Variants in COG3 observed in about 807,000 individuals in gnomAD.
COG3 encodes the protein conserved oligomeric Golgi complex subunit 3.
In COG3, 32 loss-of-function variants were observed where a neutral mutation model predicts 114.1. That is an observed-to-expected ratio of 0.28 (90% CI 0.21 to 0.38). The LOEUF is 0.38. Among genes scored for constraint, COG3 ranks in the 10% least tolerant of loss-of-function variants. COG3 has a pLI of 1.00. For synonymous variants in COG3, 352 were observed against 365.7 expected, an observed-to-expected ratio of 0.96 and a Z score of 0.43; for missense variants, 813 against 973.2, an observed-to-expected ratio of 0.84 and a Z score of 2.19.
intron 8 of COG3, among the ~76,000 whole-genome samples, chr13:45,487,001 T>C (rs949409786): frequency 6.6e-6 from 1 of 152,204 alleles, no homozygotes; most frequent in Admixed American, 6.5e-5. Flanking sequence ...TTAGGAAAAG[T>C]AGAGAACCAA....
intron 4 of COG3, among the ~76,000 whole-genome samples, chr13:45,480,923 C>T (rs1250355198): frequency 1.3e-5 from 2 of 152,184 alleles, no homozygotes; most frequent in Admixed American, 1.3e-4. Context: ...TTGAAAAGAT[C>T]AACTGATTGA....
At chr13:45,519,172 A>C in intron 19 of COG3, 78 bp downstream of exon 19, 1 of 1,494,702 alleles carries the variant, frequency 6.7e-7, no homozygotes. Flanking sequence ...TCTCTTGTGT[A>C]AACTCTGGCA....
At chr13:45,471,224 T>A (rs1172501257) in intron 1 of COG3, among the ~76,000 whole-genome samples, 1 of 149,664 alleles carries the variant, frequency 6.7e-6, no homozygotes, top group Non-Finnish European at 1.5e-5. Context: ...GGTAACATAG[T>A]GAGACCTCGT....
chr13:45,531,754 C>T (rs974520948), intron 22 of COG3, among the ~76,000 whole-genome samples: 1 of 152,092 alleles, frequency 6.6e-6, no homozygotes, highest in African/African-American at 2.4e-5. Context: ...GATCTGCCGG[C>T]CTCAGCTTCC....
chr13:45,472,328 G>A (rs1241554863), intron 1 of COG3, among the ~76,000 whole-genome samples: 1 of 151,980 alleles, frequency 6.6e-6, no homozygotes, highest in Non-Finnish European at 1.5e-5. Context: ...TATTCTGCTT[G>A]GGATTCTCTG....
chr13:45,526,586 G>A (rs1377260044), intron 20 of COG3, among the ~76,000 whole-genome samples: 1 of 152,172 alleles, frequency 6.6e-6, no homozygotes, highest in Admixed American at 6.5e-5. Flanking sequence ...TTGTTTGACT[G>A]CAAATAAACT....
rs190075601 is a variant in COG3 at position 45,520,662 on chromosome 13, A to G, written c.2154+1568A>G. Among the ~76,000 whole-genome samples, 160 of 152,300 alleles carry G rather than the reference A, an allele frequency of 1.1e-3. 1 individual carries two copies. The highest frequency in any genetic ancestry group is 4.6e-3 in the Admixed American group (71 of 15,290). ...TTATCACTGGCATATATTGCTTGTTAAGTGGATTTTATTCCGAGTATTTGC... is the reference window on the plus strand; with the variant it reads ...TTATCACTGGCATATATTGCTTGTTGAGTGGATTTTATTCCGAGTATTTGC... On this transcript the variant is annotated intron_variant, in intron 19 of 22. Transcript: ENST00000349995.
intron 5 of COG3, among the ~76,000 whole-genome samples, chr13:45,481,943 A>C (rs1412857239): frequency 6.6e-6 from 1 of 152,112 alleles, no homozygotes; most frequent in Non-Finnish European, 1.5e-5. Flanking sequence ...GAAATGATTG[A>C]CTGGTTGCAT....
intron 2 of COG3, among the ~76,000 whole-genome samples, chr13:45,478,136 A>G (rs1191201545): frequency 6.6e-6 from 1 of 151,704 alleles, no homozygotes; most frequent in Admixed American, 6.6e-5. Context: ...CCTTAATTTG[A>G]CTGTGAAAAT....
chr13:45,533,385 C>T (rs1873339561), intron 22 of COG3, among the ~76,000 whole-genome samples: 1 of 151,998 alleles, frequency 6.6e-6, no homozygotes, highest in Admixed American at 6.6e-5. Flanking sequence ...CCCATATATC[C>T]TTTACCCCAT....
At chr13:45,526,076 A>ATTTTTTT (rs386379016) in intron 20 of COG3, among the ~76,000 whole-genome samples, 1,617 of 56,608 alleles carry the variant, frequency 0.029, 317 homozygotes, top group Middle Eastern at 0.043. Context: ...CAAAATTTTA[A>ATTTTTTT]TTTTTTTTTT....
chr13:45,510,233 C>T (rs980976501), intron 15 of COG3, among the ~76,000 whole-genome samples: 4 of 152,162 alleles, frequency 2.6e-5, no homozygotes, highest in African/African-American at 7.2e-5. Flanking sequence ...TGTAGGACTG[C>T]ACAGTTGTTT....
intron 1 of COG3, 148 bp downstream of exon 1, chr13:45,465,358 C>T (rs1885070187): frequency 1.5e-6 from 2 of 1,308,462 alleles, no homozygotes; most frequent in Admixed American, 2.9e-5. Context: ...GGAGGGGCCT[C>T]ATCTCCCAGG....
intron 1 of COG3, among the ~76,000 whole-genome samples, chr13:45,469,386 A>G (rs1885336487): frequency 6.6e-6 from 1 of 152,210 alleles, no homozygotes; most frequent in South Asian, 2.1e-4. Flanking sequence ...TCCCTTTGAA[A>G]TGACAGTAAT....
At chr13:45,518,874 G>T (rs751749945) in intron 18 of COG3, 24 bp downstream of exon 18, 1 of 1,610,616 alleles carries the variant, frequency 6.2e-7, no homozygotes, top group Non-Finnish European at 8.5e-7. Context: ...TGTTTCATTG[G>T]TGGTGGGAGA....
In COG3 at chr13:45,534,832, C is replaced by T. The variant is rs1873450007; in HGVS notation, c.*101C>T. 2.9e-6 allele frequency: 4 copies of T among 1,370,372 alleles called. No homozygotes were observed. Among genetic ancestry groups the T allele is most frequent in the South Asian group, 3.7e-5 (2 of 54,476 alleles). The allele number at this position is 1,370,372 out of a possible 1,614,324, so 84.9% of individuals were successfully genotyped here. ...CCGAGGAATCGTATGTGGGAACGTC[C>T]CCGAGAACCACACGAGCGTGCTGCT... On this transcript the variant is annotated 3_prime_UTR_variant, in exon 23 of 23. Coordinates refer to ENST00000349995, the MANE Select transcript of COG3 (RefSeq NM_031431.4).
At chr13:45,514,748 C>T (rs865879506) in intron 16 of COG3, among the ~76,000 whole-genome samples, 1 of 151,846 alleles carries the variant, frequency 6.6e-6, no homozygotes, top group South Asian at 2.1e-4. Context: ...CCCAGGTTCA[C>T]GCCATTCTCC....
In COG3 at chr13:45,535,825, C is replaced by T; in HGVS notation, c.*1094C>T. On this transcript the variant is annotated 3_prime_UTR_variant, in exon 23 of 23. Transcript: ENST00000349995. Reference sequence around the variant, plus strand: ...CTATGAATTTTCCAACAAATTCCTACTTCCTGATTGGATTGGTTTTGCCGC... The same window carrying T: ...CTATGAATTTTCCAACAAATTCCTATTTCCTGATTGGATTGGTTTTGCCGC... 1 of 987,602 alleles carries T rather than the reference C, an allele frequency of 1.0e-6. No individual in the cohort carries two copies. Among genetic ancestry groups the T allele is most frequent in the Non-Finnish European group, 1.2e-6 (1 of 830,116 alleles). 61.2% of individuals were successfully genotyped at this position (987,602 alleles called of 1,614,324 possible).
chr13:45,497,088 A>G (rs1868886588), intron 13 of COG3, among the ~76,000 whole-genome samples: 1 of 152,230 alleles, frequency 6.6e-6, no homozygotes, highest in South Asian at 2.1e-4. Context: ...TTAGAAATAG[A>G]AGAAGGTTGA....
Sources: allele counts gnomAD v4.1 joint callset (sites outside exome capture counted in the v4.1 genomes callset), GRCh38; gene constraint gnomAD v4.1.1; transcripts MANE v1.5; gene names NCBI Gene and HGNC (gene_info 2026-07-23, HGNC 2026-07-21).